CACNA1A: variants seen among roughly 807,000 people sequenced by gnomAD.
CACNA1A encodes the protein calcium voltage-gated channel subunit alpha1 A, also known as voltage-dependent P/Q-type calcium channel subunit alpha-1A.
Under a neutral mutation model 262.4 loss-of-function variants are expected in CACNA1A, and 57 were observed. The observed-to-expected ratio is 0.22, with a 90% CI of 0.18 to 0.27. CACNA1A has a LOEUF of 0.27. CACNA1A is among the 10% of genes least tolerant of loss of function. The probability of loss-of-function intolerance (pLI) is 1.00; values close to 1 mark genes in which losing one functional copy is unlikely to be tolerated. For missense variants in CACNA1A, 2,526 were observed against 3,562.8 expected, an observed-to-expected ratio of 0.71 and a Z score of 7.41; for synonymous variants, 1,431 against 1,419.3, an observed-to-expected ratio of 1.01 and a Z score of -0.18.
At chr19:13,416,226 G>A (rs1006404233) in intron 3 of CACNA1A, among the ~76,000 whole-genome samples, 2 of 151,958 alleles carry the variant, frequency 1.3e-5, no homozygotes, top group African/African-American at 2.4e-5. Flanking sequence ...TCATCCTCCC[G>A]AGTAGCTGGG....
At chr19:13,350,819 T>C (rs960948065) in intron 6 of CACNA1A, among the ~76,000 whole-genome samples, 12 of 152,100 alleles carry the variant, frequency 7.9e-5, no homozygotes, top group African/African-American at 2.7e-4. Context: ...GCGTGGGCAA[T>C]GTGTGAGAAC....
chr19:13,309,846 C>T (rs1010455602), intron 12 of CACNA1A, among the ~76,000 whole-genome samples: 3 of 152,112 alleles, frequency 2.0e-5, no homozygotes, highest in African/African-American at 7.2e-5. Flanking sequence ...ACATAAAATT[C>T]ACACTTTGAA....
At chr19:13,365,582 T>C in intron 4 of CACNA1A, 113 bp from the exon 5 acceptor site, 4 of 870,468 alleles carry the variant, frequency 4.6e-6, no homozygotes, top group East Asian at 2.7e-5. Context: ...TGAGGGAACA[T>C]TAAGCACCCA....
At chr19:13,410,434 G>A (rs1469570225) in intron 3 of CACNA1A, among the ~76,000 whole-genome samples, 1 of 151,092 alleles carries the variant, frequency 6.6e-6, no homozygotes, top group African/African-American at 2.4e-5. Flanking sequence ...GTCTCACTAT[G>A]TTGTCCAGGC....
intron 37 of CACNA1A, 155 bp downstream of exon 37, chr19:13,227,276 G>A (rs895105273): frequency 5.6e-5 from 24 of 427,462 alleles, no homozygotes; most frequent in Admixed American, 4.2e-4. Flanking sequence ...CAGTTGACTC[G>A]AGAAAAGAAA....
At chr19:13,378,772 A>G (rs1036117126) in intron 3 of CACNA1A, among the ~76,000 whole-genome samples, 2 of 151,254 alleles carry the variant, frequency 1.3e-5, no homozygotes, top group Non-Finnish European at 2.9e-5. Flanking sequence ...GGTTCAAGCA[A>G]TTCTCGTGCC....
chr19:13,210,951 C>T (rs1003571228), intron 43 of CACNA1A: 5 of 493,942 alleles, frequency 1.0e-5, no homozygotes, highest in Non-Finnish European at 1.8e-5. Context: ...GACAGGACGG[C>T]GCAGCCTCGA....
chr19:13,325,161 CCTT>C (rs1393178730), intron 10 of CACNA1A, among the ~76,000 whole-genome samples: 1 of 143,960 alleles, frequency 6.9e-6, no homozygotes, highest in African/African-American at 2.6e-5. Context: ...CTTCCTTCTT[CCTT>C]CTTCTTCTTT....
chr19:13,361,075 G>T (rs1311860050), intron 5 of CACNA1A, among the ~76,000 whole-genome samples: 1 of 152,258 alleles, frequency 6.6e-6, no homozygotes, highest in South Asian at 2.1e-4. Context: ...CAAGCGCATT[G>T]TGTTATTCTC....
chr19:13,467,597 TTTTTC>T (rs1158722512), intron 1 of CACNA1A, among the ~76,000 whole-genome samples: 6 of 144,528 alleles, frequency 4.2e-5, no homozygotes, highest in Non-Finnish European at 7.4e-5. Flanking sequence ...GCACACTGAC[TTTTTC>T]TTTTCTTTTT....
intron 22 of CACNA1A, among the ~76,000 whole-genome samples, chr19:13,278,841 G>T (rs552222881): frequency 1.4e-3 from 207 of 152,300 alleles, no homozygotes; most frequent in Non-Finnish European, 2.3e-3. Context: ...GCTTGAAGAG[G>T]AATCAGAGAC....
chr19:13,419,019 G>A (rs758299810), intron 3 of CACNA1A, among the ~76,000 whole-genome samples: 4 of 151,940 alleles, frequency 2.6e-5, no homozygotes, highest in Admixed American at 6.6e-5. Flanking sequence ...TCAGCCTCCC[G>A]AATAGCTGGG....
chr19:13,372,154 T>C (rs1311559568), intron 3 of CACNA1A, among the ~76,000 whole-genome samples: 1 of 151,316 alleles, frequency 6.6e-6, no homozygotes, highest in Non-Finnish European at 1.5e-5. Flanking sequence ...TTTGTGGCTC[T>C]TTATTTTATT....
At chr19:13,290,216 G>A (rs888003068) in intron 19 of CACNA1A, among the ~76,000 whole-genome samples, 13 of 151,896 alleles carry the variant, frequency 8.6e-5, no homozygotes, top group African/African-American at 2.7e-4. Context: ...GATTACAGGC[G>A]TGAGCCACCA....
At chr19:13,311,563 T>C (rs905514248) in intron 12 of CACNA1A, among the ~76,000 whole-genome samples, 5 of 152,120 alleles carry the variant, frequency 3.3e-5, no homozygotes, top group Admixed American at 6.6e-5. Flanking sequence ...GCTGGCTGGG[T>C]GTGGTGGCTC....
chr19:13,449,689 G>A (rs940365250), intron 3 of CACNA1A, among the ~76,000 whole-genome samples: 10 of 152,104 alleles, frequency 6.6e-5, no homozygotes, highest in African/African-American at 2.4e-4. Context: ...ATTTTGAAGT[G>A]TAAAAATAGG....
intron 3 of CACNA1A, among the ~76,000 whole-genome samples, chr19:13,374,401 A>G (rs1316670285): frequency 4.0e-5 from 6 of 151,760 alleles, no homozygotes. Flanking sequence ...GTGTACAACA[A>G]CATATTCAGA....
chr19:13,503,293 G>A (rs1039490370), intron 1 of CACNA1A, among the ~76,000 whole-genome samples: 1 of 152,118 alleles, frequency 6.6e-6, no homozygotes, highest in Non-Finnish European at 1.5e-5. Context: ...CAACTAGGAG[G>A]CGGTATGGGG....
At chr19:13,503,061 G>GA (rs1212405527) in intron 1 of CACNA1A, among the ~76,000 whole-genome samples, 4 of 151,946 alleles carry the variant, frequency 2.6e-5, no homozygotes, top group Admixed American at 6.6e-5. Context: ...AGAACTGTGG[G>GA]AAAAAAATAA....
Sources: allele counts gnomAD v4.1 joint callset (sites outside exome capture counted in the v4.1 genomes callset), GRCh38; gene constraint gnomAD v4.1.1; transcripts MANE v1.5; gene names NCBI Gene and HGNC (gene_info 2026-07-23, HGNC 2026-07-21).